Variants in KCNMA1 observed in about 807,000 individuals in gnomAD.
KCNMA1 encodes the protein Calcium-activated potassium channel subunit alpha-1.
A neutral mutation model predicts 140.0 loss-of-function variants in KCNMA1; 29 were observed. The observed-to-expected ratio is 0.21, with a 90% confidence interval of 0.15 to 0.28. The LOEUF (loss-of-function observed/expected upper bound fraction) is 0.28. KCNMA1 is among the 10% of genes least tolerant of loss of function. KCNMA1 has a pLI of 1.00. For missense variants in KCNMA1, 880 were observed against 1,602.2 expected (o/e 0.55, Z 7.70); for synonymous variants, 612 against 611.9 (o/e 1.00, Z 0.00).
chr10:77,632,314 G>A (rs1453150957), intron 1 of KCNMA1, among the ~76,000 whole-genome samples: 1 of 152,136 alleles, frequency 6.6e-6, no homozygotes, highest in Non-Finnish European at 1.5e-5. Context: ...GAGTGTCCTG[G>A]CCAAGAGACC....
At chr10:77,342,741 C>A (rs1202924485) in intron 2 of KCNMA1, among the ~76,000 whole-genome samples, 1 of 152,150 alleles carries the variant, frequency 6.6e-6, no homozygotes, top group Non-Finnish European at 1.5e-5. Context: ...AGAAACTCAA[C>A]AAGGGTATAA....
chr10:77,630,062 G>C (rs1474167316), intron 1 of KCNMA1, among the ~76,000 whole-genome samples: 1 of 152,200 alleles, frequency 6.6e-6, no homozygotes, highest in East Asian at 1.9e-4. Flanking sequence ...ACACAGCACG[G>C]TGCCACGCGT....
chr10:77,163,854 A>G (rs1430035827), intron 5 of KCNMA1, among the ~76,000 whole-genome samples: 1 of 152,130 alleles, frequency 6.6e-6, no homozygotes, highest in Admixed American at 6.5e-5. Context: ...GACCTGTGAC[A>G]TGTGTCTTCT....
At chr10:77,284,803 C>T (rs1314864079) in intron 2 of KCNMA1, among the ~76,000 whole-genome samples, 3 of 151,788 alleles carry the variant, frequency 2.0e-5, no homozygotes, top group Non-Finnish European at 4.4e-5. Context: ...TGTGAACCAC[C>T]GCGCCCAACG....
intron 1 of KCNMA1, among the ~76,000 whole-genome samples, chr10:77,581,472 A>AT (rs2075859394): frequency 6.6e-6 from 1 of 152,038 alleles, no homozygotes; most frequent in African/African-American, 2.4e-5. Flanking sequence ...CGCCTGTTTA[A>AT]TTTTTTGTAT....
At position 77,108,369 on chromosome 10, in the gene KCNMA1, A is replaced by G; in HGVS notation, c.1223+112T>C. On this transcript the variant is annotated intron_variant, in intron 9 of 27. Coordinates refer to ENST00000286628, the MANE Select transcript of KCNMA1 (RefSeq NM_001161352.2). The surrounding 1 kb of genome is among the most constrained non-coding windows in gnomAD (Gnocchi z 4.6). The stretch of plus-strand genomic sequence containing the variant: ...CAGCAATTTCGGGCACGTAGCGGGC[A>G]AACATTGCCTACATGCATGAAACAA... 1.3e-6 allele frequency: 2 copies of G among 1,598,452 alleles called. No homozygotes were observed.
At chr10:77,039,458 G>A (rs2094525876) in intron 15 of KCNMA1, 70 bp downstream of exon 15, 1 of 899,262 alleles carries the variant, frequency 1.1e-6, no homozygotes, top group Admixed American at 1.7e-5. Context: ...GCAGAGGTGG[G>A]AGGCTTCCTT....
At chr10:77,523,843 C>T (rs570782665) in intron 1 of KCNMA1, among the ~76,000 whole-genome samples, 2 of 151,626 alleles carry the variant, frequency 1.3e-5, no homozygotes, top group Non-Finnish European at 2.9e-5. Context: ...TTAATGGATA[C>T]AAAAAAATAG....
At chr10:77,147,333 G>C (rs1271465484) in intron 5 of KCNMA1, among the ~76,000 whole-genome samples, 1 of 152,104 alleles carries the variant, frequency 6.6e-6, no homozygotes, top group Admixed American at 6.5e-5. Flanking sequence ...AAGTTACAAG[G>C]GAAAAAGATG....
intron 20 of KCNMA1, among the ~76,000 whole-genome samples, chr10:76,960,582 C>G (rs1181474640): frequency 7.8e-6 from 1 of 128,776 alleles, no homozygotes; most frequent in African/African-American, 3.0e-5. Flanking sequence ...TGTTATTCAA[C>G]TTTGCTGTAT....
intron 1 of KCNMA1, among the ~76,000 whole-genome samples, chr10:77,459,858 T>C (rs1487347458): frequency 6.6e-6 from 1 of 152,230 alleles, no homozygotes; most frequent in African/African-American, 2.4e-5. Context: ...TGAGCCTGCA[T>C]TTCCTCATCT....
chr10:77,095,701 C>T (rs915493978), intron 9 of KCNMA1, among the ~76,000 whole-genome samples: 1 of 152,152 alleles, frequency 6.6e-6, no homozygotes, highest in African/African-American at 2.4e-5. Context: ...GCATCGCTGC[C>T]TCCAGAATGA....
At chr10:77,582,982 G>A (rs2076284997) in intron 1 of KCNMA1, among the ~76,000 whole-genome samples, 1 of 152,240 alleles carries the variant, frequency 6.6e-6, no homozygotes, top group South Asian at 2.1e-4. Flanking sequence ...CAGGCAACAT[G>A]AGATTACGAG....
chr10:76,919,909 T>C (rs183922034), intron 23 of KCNMA1, among the ~76,000 whole-genome samples: 1 of 150,596 alleles, frequency 6.6e-6, no homozygotes, highest in African/African-American at 2.4e-5. Flanking sequence ...ACTGAAGAAG[T>C]ATTTAGTAGA....
chr10:77,201,132 A>C (rs1273058566), intron 3 of KCNMA1, among the ~76,000 whole-genome samples: 1 of 152,170 alleles, frequency 6.6e-6, no homozygotes, highest in Non-Finnish European at 1.5e-5. Flanking sequence ...AGTTGACAAG[A>C]GGAAAGATGC....
intron 1 of KCNMA1, among the ~76,000 whole-genome samples, chr10:77,504,216 T>C (rs2044958942): frequency 6.6e-6 from 1 of 152,234 alleles, no homozygotes; most frequent in South Asian, 2.1e-4. Flanking sequence ...TGATAGCAGG[T>C]TGCCCATATG....
At chr10:76,877,927 G>C in intron 29 of KCNMA1, 1 of 1,592,082 alleles carries the variant, frequency 6.3e-7, no homozygotes, top group South Asian at 1.1e-5. Context: ...ACAAGAAGGA[G>C]AAATGAGAAG....
chr10:76,993,749 T>A (rs1461386040), intron 19 of KCNMA1, among the ~76,000 whole-genome samples: 1 of 152,196 alleles, frequency 6.6e-6, no homozygotes, highest in Non-Finnish European at 1.5e-5. Context: ...TATGATAGTG[T>A]CGCACTGTCT....
At chr10:77,558,344 G>A (rs1221872059) in intron 1 of KCNMA1, among the ~76,000 whole-genome samples, 3 of 152,140 alleles carry the variant, frequency 2.0e-5, no homozygotes, top group Admixed American at 6.5e-5. Flanking sequence ...ACCTCTGCAC[G>A]CCAAGCTGGG....
Sources: gnomAD v4.1 joint callset for allele counts (sites outside exome capture counted in the v4.1 genomes callset) on GRCh38, gnomAD v4.1.1 for gene constraint, Gnocchi (gnomAD v3.1) non-coding constraint, MANE v1.5 for transcripts, NCBI Gene and HGNC (gene_info 2026-07-23, HGNC 2026-07-21) for gene names.